The following FAM53B variants were observed in gnomAD, a reference collection of about 807,000 sequenced individuals.
FAM53B encodes family with sequence similarity 53 member B.
FAM53B carries 12 observed loss-of-function variants against 32.7 expected under a neutral mutation model. The ratio of observed to expected loss-of-function variants is 0.37; its 90% CI spans 0.24 to 0.59. The LOEUF is 0.59. FAM53B is among the 20% of genes least tolerant of loss of function. FAM53B has a pLI of 0.72. For synonymous variants in FAM53B, 234 were observed against 228.7 expected, an observed-to-expected ratio of 1.02 and a Z score of -0.21; for missense variants, 477 against 577.7, an observed-to-expected ratio of 0.83 and a Z score of 1.79.
chr10:124,640,796 G>A (rs573561530), intron 4 of FAM53B, among the ~76,000 whole-genome samples: 3 of 152,230 alleles, frequency 2.0e-5, no homozygotes, highest in African/African-American at 7.2e-5. Context: ...GGGATCAGGC[G>A]CTGACCACCA....
At position 124,663,122 on chromosome 10, in the gene FAM53B, A is replaced by G. The variant is rs1196490567; in HGVS notation, c.906+18485T>C. On this transcript the variant is annotated intron_variant, in intron 4 of 4. Transcript: ENST00000337318. ...GTCATGTGAGTGTGGACCCCAGAAGACCACAAGGCAGGCTGCTTCTCCTCC... is the reference window on the plus strand; with the variant it reads ...GTCATGTGAGTGTGGACCCCAGAAGGCCACAAGGCAGGCTGCTTCTCCTCC... Among the ~76,000 whole-genome samples the G allele has an allele frequency of 3.9e-5, 6 of 152,272 alleles. No homozygotes were observed. In the South Asian group the frequency reaches 1.2e-3, roughly 32 times the overall value.
At chr10:124,697,522 G>A (rs941486161) in intron 2 of FAM53B, among the ~76,000 whole-genome samples, 2 of 152,102 alleles carry the variant, frequency 1.3e-5, no homozygotes, top group Non-Finnish European at 2.9e-5. Context: ...CAAGGTCAAC[G>A]CCGTGTTCAT....
chr10:124,671,572 G>A (rs1013903023), intron 4 of FAM53B, among the ~76,000 whole-genome samples: 1 of 152,214 alleles, frequency 6.6e-6, no homozygotes, highest in African/African-American at 2.4e-5. Flanking sequence ...AGCTCCAGCA[G>A]GGAAACAGCG....
At chr10:124,667,200 A>G (rs1949677859) in intron 4 of FAM53B, 1 of 553,150 alleles carries the variant, frequency 1.8e-6, no homozygotes, top group African/African-American at 1.9e-5. Flanking sequence ...TAGTGCATTC[A>G]TGATTTACTT....
At position 124,654,738 on chromosome 10, in the gene FAM53B, G is replaced by A. The variant is rs1050107048; in HGVS notation, c.906+26869C>T. 1.6e-4 allele frequency among the ~76,000 whole-genome samples: 24 copies of A among 152,170 alleles called. 1 individual carries two copies. Among genetic ancestry groups the A allele is most frequent in the Admixed American group, 1.4e-3 (22 of 15,280 alleles). On this transcript the variant is annotated intron_variant, in intron 4 of 4. Transcript: ENST00000337318. ...AGTGGTGTTGTGGGTAGGGCTGTAG[G>A]TGTTTGGCCTTCCTGAGGCCTGGGA...
At chr10:124,709,784 A>G (rs1949988033) in intron 1 of FAM53B, among the ~76,000 whole-genome samples, 1 of 152,010 alleles carries the variant, frequency 6.6e-6, no homozygotes, top group Non-Finnish European at 1.5e-5. Context: ...AAAGTGACAA[A>G]GGCAAGAAGA....
chr10:124,624,296 G>T (rs1043235202), intron 4 of FAM53B, among the ~76,000 whole-genome samples: 1 of 152,230 alleles, frequency 6.6e-6, no homozygotes, highest in Non-Finnish European at 1.5e-5. Flanking sequence ...AGCCTGGTGT[G>T]TAACAGAGCC....
chr10:124,627,622 G>A (rs77729194), intron 4 of FAM53B, among the ~76,000 whole-genome samples: 1 of 152,286 alleles, frequency 6.6e-6, no homozygotes, highest in African/African-American at 2.4e-5. Context: ...CTAGTGGCCA[G>A]GGACATGGAT....
intron 4 of FAM53B, among the ~76,000 whole-genome samples, chr10:124,652,213 T>C (rs1949560511): frequency 6.6e-6 from 1 of 152,160 alleles, no homozygotes; most frequent in Admixed American, 6.5e-5. Context: ...AGCTATCAAT[T>C]CCCAACTGTT....
At chr10:124,739,513 G>C (rs1950189472) in intron 1 of FAM53B, among the ~76,000 whole-genome samples, 2 of 152,244 alleles carry the variant, frequency 1.3e-5, no homozygotes, top group Admixed American at 6.5e-5. Flanking sequence ...AGAACAAAAA[G>C]AGTGAGTGGA....
chr10:124,694,944 G>T (rs1949859596), intron 3 of FAM53B, among the ~76,000 whole-genome samples: 1 of 152,144 alleles, frequency 6.6e-6, no homozygotes, highest in African/African-American at 2.4e-5. Context: ...GCTTACTGAG[G>T]GACCTTGCAG....
intron 2 of FAM53B, among the ~76,000 whole-genome samples, chr10:124,705,286 TG>T (rs1181395473): frequency 6.7e-6 from 1 of 150,262 alleles, no homozygotes; most frequent in Non-Finnish European, 1.5e-5. Flanking sequence ...GCCCAGGAAG[TG>T]GGGCTAGAGG....
intron 4 of FAM53B, among the ~76,000 whole-genome samples, chr10:124,674,841 C>T (rs1949727641): frequency 6.6e-6 from 1 of 152,204 alleles, no homozygotes. Flanking sequence ...TCCCAAGCCT[C>T]TTTGCCAGCA....
Position 124,733,997 on chromosome 10 carries a change from G to A in FAM53B, c.-175+10016C>T, listed in dbSNP as rs950462734. ...TGGTCTCGAATGTCTCCTCCTCCCCGTTCTTCATCTGTCTAAACTCCTGCT... is the reference window on the plus strand; with the variant it reads ...TGGTCTCGAATGTCTCCTCCTCCCCATTCTTCATCTGTCTAAACTCCTGCT... On this transcript the variant is annotated intron_variant, in intron 1 of 4. Transcript: ENST00000337318. The surrounding 1 kb of genome is among the most constrained non-coding windows in gnomAD (Gnocchi z 4.3). Among the ~76,000 whole-genome samples, 2 of 152,116 alleles carry A rather than the reference G, an allele frequency of 1.3e-5. No individual in the cohort carries two copies. Among genetic ancestry groups the A allele is most frequent in the South Asian group, 2.1e-4 (1 of 4,820 alleles).
In FAM53B at chr10:124,694,221, T is replaced by C. The variant is rs544499705; in HGVS notation, c.133+1937A>G. 1.2e-4 allele frequency among the ~76,000 whole-genome samples: 19 copies of C among 152,314 alleles called. No individual in the cohort carries two copies. The East Asian group carries it at 2.3e-3, about 19-fold the overall frequency. On this transcript the variant is annotated intron_variant, in intron 3 of 4. Coordinates refer to ENST00000337318, the MANE Select transcript of FAM53B (RefSeq NM_014661.4). ...AGGAGAAGAGCCTGGGACGGAGGCA[T>C]TGGGACCCAGCCAGCACTTCCTAAA...
rs772424334 is a variant in FAM53B at position 124,682,133 on chromosome 10, C to T, written c.380G>A (p.Arg127Gln). Residue 127 changes from arginine (R) to glutamine (Q), a missense_variant, in exon 4 of 5, where the codon CGG becomes CAG. Transcript: ENST00000337318. The surrounding 1 kb of genome is among the most constrained non-coding windows in gnomAD (Gnocchi z 5.2). ...LSFSDEMSSC[R>Q]TSWRPLGSKV... Reference sequence around the variant, plus strand: ...GGAGCCCAAGGGCCTCCATGATGTCCGGCAACTGGACATCTCATCGGAGAA... The same window carrying T: ...GGAGCCCAAGGGCCTCCATGATGTCTGGCAACTGGACATCTCATCGGAGAA... The T allele has an allele frequency of 3.7e-6, 6 of 1,613,448 alleles. No homozygotes were observed. The Admixed American group carries it at 6.7e-5, about 18-fold the overall frequency.
intron 4 of FAM53B, among the ~76,000 whole-genome samples, chr10:124,640,726 G>T (rs897648503): frequency 1.3e-5 from 2 of 152,336 alleles, no homozygotes; most frequent in Admixed American, 6.5e-5. Flanking sequence ...GTCATCAGAG[G>T]TTTGGTGAGG....
intron 4 of FAM53B, among the ~76,000 whole-genome samples, chr10:124,662,552 A>G (rs1296923095): frequency 6.7e-6 from 1 of 149,950 alleles, no homozygotes; most frequent in East Asian, 2.0e-4. Flanking sequence ...ACAGTAGCTC[A>G]CATCTGTAAT....
chr10:124,676,029 G>A (rs1462019747), intron 4 of FAM53B, among the ~76,000 whole-genome samples: 3 of 152,234 alleles, frequency 2.0e-5, no homozygotes, highest in Non-Finnish European at 1.5e-5. Flanking sequence ...TCAAGAGCAC[G>A]GAAGGAGGAG....
Sources: gnomAD v4.1 joint callset for allele counts (sites outside exome capture counted in the v4.1 genomes callset) on GRCh38, gnomAD v4.1.1 for gene constraint, Gnocchi (gnomAD v3.1) non-coding constraint, MANE v1.5 for transcripts, NCBI Gene and HGNC (gene_info 2026-07-23, HGNC 2026-07-21) for gene names.